FARS2: variants seen among roughly 807,000 people sequenced by gnomAD.
FARS2 encodes the protein phenylalanine--tRNA ligase, mitochondrial.
In FARS2, 40 loss-of-function variants were observed where a neutral mutation model predicts 46.4. The observed-to-expected ratio is 0.86, with a 90% CI of 0.67 to 1.12. The LOEUF (loss-of-function observed/expected upper bound fraction) is 1.12. FARS2 is among the 50% of genes most tolerant of loss of function. FARS2 has a pLI of 0.00. For missense variants in FARS2, 513 were observed against 567.9 expected, an observed-to-expected ratio of 0.90 and a Z score of 0.98; for synonymous variants, 234 against 214.9, an observed-to-expected ratio of 1.09 and a Z score of -0.78.
At chr6:5,730,746 T>C (rs1760569720) in intron 6 of FARS2, among the ~76,000 whole-genome samples, 1 of 152,226 alleles carries the variant, frequency 6.6e-6, no homozygotes, top group Admixed American at 6.5e-5. Context: ...TCTTATTAAA[T>C]GGTTCTTTTG....
chr6:5,408,741 T>C, intron 3 of FARS2, among the ~76,000 whole-genome samples: 1 of 152,074 alleles, frequency 6.6e-6, no homozygotes, highest in East Asian at 1.9e-4. Flanking sequence ...GACAAGACAA[T>C]AAAAGCAGGG....
At chr6:5,569,611 G>A (rs557261467) in intron 5 of FARS2, among the ~76,000 whole-genome samples, 13 of 152,324 alleles carry the variant, frequency 8.5e-5, no homozygotes, top group African/African-American at 3.1e-4. Context: ...AATTGGCATA[G>A]TCAAGTCTTC....
At chr6:5,726,997 G>A (rs971356216) in intron 6 of FARS2, among the ~76,000 whole-genome samples, 2 of 152,202 alleles carry the variant, frequency 1.3e-5, no homozygotes, top group Non-Finnish European at 2.9e-5. Context: ...CTTCGTGACC[G>A]CTGTCAACTG....
intron 1 of FARS2, among the ~76,000 whole-genome samples, chr6:5,278,636 C>T (rs1405184887): frequency 6.6e-6 from 1 of 152,088 alleles, no homozygotes; most frequent in African/African-American, 2.4e-5. Flanking sequence ...ACTAGGTTTT[C>T]CTGTTTAGTT....
At chr6:5,509,809 A>G (rs1266435472) in intron 4 of FARS2, among the ~76,000 whole-genome samples, 3 of 152,226 alleles carry the variant, frequency 2.0e-5, no homozygotes, top group South Asian at 2.1e-4. Context: ...TGGGAAGAGC[A>G]TTATCCACAA....
At chr6:5,431,309 C>T in intron 4 of FARS2, 137 bp downstream of exon 4, 1 of 869,906 alleles carries the variant, frequency 1.1e-6, no homozygotes, top group Non-Finnish European at 1.8e-6. Context: ...TCAGATTCCC[C>T]TCTAGATTTG....
chr6:5,586,881 T>C (rs1447018110), intron 5 of FARS2, among the ~76,000 whole-genome samples: 4 of 152,206 alleles, frequency 2.6e-5, no homozygotes, highest in African/African-American at 9.6e-5. Context: ...AATCCTGATA[T>C]GCTAAACCAC....
At position 5,677,973 on chromosome 6, in the gene FARS2, G is replaced by A. The variant is rs112783862; in HGVS notation, c.1217+64653G>A. Among the ~76,000 whole-genome samples the A allele has an allele frequency of 2.0e-3, 311 of 152,290 alleles. 3 individuals are homozygous for A. The highest frequency in any genetic ancestry group is 7.1e-3 in the African/African-American group (296 of 41,568). On this transcript the variant is annotated intron_variant, in intron 6 of 6. Transcript: ENST00000274680. ...GATTCGAATGGCATCTTTGAAAATTGCAAGAAATGGATGGATGTGGAAAAC... is the reference window on the plus strand; with the variant it reads ...GATTCGAATGGCATCTTTGAAAATTACAAGAAATGGATGGATGTGGAAAAC...
rs540451107 is a variant in FARS2 at position 5,389,269 on chromosome 6, G to A, written c.613-15273G>A. Among the ~76,000 whole-genome samples, 49 of 152,258 alleles carry A rather than the reference G, an allele frequency of 3.2e-4. No individual in the cohort carries two copies. In the South Asian group the frequency reaches 4.1e-3, roughly 13 times the overall value. ...ACATCAGTTGACCACTGTGTTAGGC[G>A]AGTACTATTGTTGAGTTCTCCAAGC... On this transcript the variant is annotated intron_variant, in intron 2 of 6. Transcript: ENST00000274680.
At chr6:5,546,098 A>G (rs1770968351) in intron 5 of FARS2, among the ~76,000 whole-genome samples, 1 of 152,104 alleles carries the variant, frequency 6.6e-6, no homozygotes, top group South Asian at 2.1e-4. Flanking sequence ...ATTGCACTCC[A>G]GCCTGGGCAA....
the FARS2 span, among the ~76,000 whole-genome samples, chr6:5,250,738 T>C: frequency 6.6e-6 from 1 of 152,186 alleles, no homozygotes; most frequent in Admixed American, 6.5e-5. Flanking sequence ...AGAACTGATA[T>C]GGAAACAACT....
At chr6:5,329,691 C>T (rs1770659086) in intron 1 of FARS2, among the ~76,000 whole-genome samples, 1 of 152,154 alleles carries the variant, frequency 6.6e-6, no homozygotes, top group Non-Finnish European at 1.5e-5. Flanking sequence ...GAAGGTTTCC[C>T]AGAACTCAGG....
chr6:5,466,637 G>A (rs1422310796), intron 4 of FARS2: 2 of 985,310 alleles, frequency 2.0e-6, no homozygotes, highest in African/African-American at 3.5e-5. Flanking sequence ...TCCACTGAGA[G>A]CTCATTCTCA....
intron 1 of FARS2, among the ~76,000 whole-genome samples, chr6:5,340,701 A>T (rs748008022): frequency 1.3e-5 from 2 of 152,178 alleles, no homozygotes; most frequent in Non-Finnish European, 2.9e-5. Context: ...CGCTTCTTTC[A>T]GTAGGAACTC....
At chr6:5,332,672 G>T (rs1770878595) in intron 1 of FARS2, among the ~76,000 whole-genome samples, 1 of 152,188 alleles carries the variant, frequency 6.6e-6, no homozygotes, top group East Asian at 1.9e-4. Context: ...ATTTATGTTG[G>T]ATGTAAGATG....
At chr6:5,392,925 CAT>C (rs755360974) in intron 2 of FARS2, among the ~76,000 whole-genome samples, 57 of 91,506 alleles carry the variant, frequency 6.2e-4, no homozygotes, top group South Asian at 2.1e-3. Context: ...TGTATATATA[CAT>C]ATATGTGTGT....
chr6:5,715,356 C>T (rs189736077), intron 6 of FARS2, among the ~76,000 whole-genome samples: 83 of 152,248 alleles, frequency 5.5e-4, no homozygotes, highest in African/African-American at 1.9e-3. Flanking sequence ...ACTGGCTTTT[C>T]GTATAGTCAC....
chr6:5,356,008 C>T (rs1234016076), intron 1 of FARS2, among the ~76,000 whole-genome samples: 3 of 152,160 alleles, frequency 2.0e-5, no homozygotes, highest in African/African-American at 4.8e-5. Context: ...CTGACTTGCC[C>T]GATGCGCATG....
At chr6:5,556,380 C>G (rs1771658371) in intron 5 of FARS2, among the ~76,000 whole-genome samples, 1 of 152,036 alleles carries the variant, frequency 6.6e-6, no homozygotes, top group Admixed American at 6.6e-5. Context: ...GAAACATGCG[C>G]TGTTCTGAGA....
Sources: allele counts gnomAD v4.1 joint callset (sites outside exome capture counted in the v4.1 genomes callset), GRCh38; gene constraint gnomAD v4.1.1; transcripts MANE v1.5; gene names NCBI Gene and HGNC (gene_info 2026-07-23, HGNC 2026-07-21).